Variants in CDYL observed in about 807,000 individuals in gnomAD.
CDYL encodes the protein chromodomain Y like.
A neutral mutation model predicts 47.3 loss-of-function variants in CDYL; 8 were observed. That is an observed-to-expected ratio of 0.17 (90% CI 0.10 to 0.31). CDYL has a LOEUF of 0.31. Ranked by LOEUF, CDYL falls within the 10% of genes least tolerant of loss-of-function variation. The pLI, the probability that CDYL is intolerant of heterozygous loss-of-function variation, is 1.00. For synonymous variants in CDYL, 266 were observed against 265.0 expected (o/e 1.00, Z -0.04); for missense variants, 471 against 701.4 (o/e 0.67, Z 3.71).
At chr6:4,757,360 T>G (rs1375015039) in intron 3 of CDYL, among the ~76,000 whole-genome samples, 2 of 152,232 alleles carry the variant, frequency 1.3e-5, no homozygotes, top group Non-Finnish European at 2.9e-5. Flanking sequence ...TGATACATGG[T>G]AGAGGACAGT....
chr6:4,857,985 T>G (rs571304262), intron 1 of CDYL, among the ~76,000 whole-genome samples: 1 of 151,854 alleles, frequency 6.6e-6, no homozygotes, highest in African/African-American at 2.4e-5. Context: ...AGCCTAAAGG[T>G]TTTTCTACCC....
chr6:4,790,495 T>A (rs1489174962), intron 1 of CDYL, among the ~76,000 whole-genome samples: 5 of 152,206 alleles, frequency 3.3e-5, no homozygotes, highest in African/African-American at 7.2e-5. Flanking sequence ...TCTGAAGCGC[T>A]TTTGGAAAGT....
chr6:4,801,732 T>C (rs562743789), intron 1 of CDYL, among the ~76,000 whole-genome samples: 1 of 152,216 alleles, frequency 6.6e-6, no homozygotes, highest in Non-Finnish European at 1.5e-5. Flanking sequence ...TCCCCTAGTT[T>C]CTAGCACTCC....
intron 3 of CDYL, among the ~76,000 whole-genome samples, chr6:4,744,091 G>A (rs1757843828): frequency 6.6e-6 from 1 of 152,170 alleles, no homozygotes; most frequent in Non-Finnish European, 1.5e-5. Flanking sequence ...TGAAGGAGGG[G>A]TGGGGAGCTG....
At chr6:4,841,987 A>C (rs1206353591) in intron 1 of CDYL, among the ~76,000 whole-genome samples, 2 of 145,640 alleles carry the variant, frequency 1.4e-5, no homozygotes, top group African/African-American at 5.0e-5. Context: ...TTAATAATAA[A>C]TTATTAATAT....
intron 2 of CDYL, among the ~76,000 whole-genome samples, chr6:4,932,768 T>C (rs1758068220): frequency 1.3e-5 from 2 of 152,166 alleles, no homozygotes; most frequent in African/African-American, 4.8e-5. Context: ...CAGCATTGTT[T>C]CTGGTGTGGT....
intron 3 of CDYL, among the ~76,000 whole-genome samples, chr6:4,936,815 G>A (rs1406599891): frequency 4.0e-5 from 6 of 151,270 alleles, no homozygotes; most frequent in Non-Finnish European, 8.8e-5. Context: ...TAAGCAACTT[G>A]CCTTATCTAA....
intron 2 of CDYL, among the ~76,000 whole-genome samples, chr6:4,894,333 GT>G (rs1762134663): frequency 6.6e-6 from 1 of 152,210 alleles, no homozygotes; most frequent in Admixed American, 6.5e-5. Context: ...GCCAGGCACG[GT>G]GCTGGACTGT....
intron 2 of CDYL, among the ~76,000 whole-genome samples, chr6:4,731,960 T>C (rs565840226): frequency 4.0e-4 from 61 of 152,354 alleles, no homozygotes; most frequent in African/African-American, 1.4e-3. Flanking sequence ...CATTTTATTT[T>C]ATAATATATT....
chr6:4,894,925 A>ATGTATG (rs1762165381), intron 2 of CDYL, among the ~76,000 whole-genome samples: 2 of 25,910 alleles, frequency 7.7e-5, no homozygotes, highest in South Asian at 2.0e-3. Flanking sequence ...ATATACACAT[A>ATGTATG]TGTATGTGTG....
chr6:4,744,419 C>G (rs1757851899), intron 3 of CDYL, among the ~76,000 whole-genome samples: 1 of 152,002 alleles, frequency 6.6e-6, no homozygotes, highest in African/African-American at 2.4e-5. Context: ...TGCTTGAGCC[C>G]AGGAGTTCAA....
intron 1 of CDYL, among the ~76,000 whole-genome samples, chr6:4,713,624 G>A (rs938154666): frequency 5.5e-5 from 8 of 145,422 alleles, no homozygotes; most frequent in East Asian, 2.0e-4. Context: ...ATCTTGCTGC[G>A]TTGCCCAGGC....
intron 1 of CDYL, among the ~76,000 whole-genome samples, chr6:4,777,441 A>G (rs1758500284): frequency 6.6e-6 from 1 of 152,164 alleles, no homozygotes; most frequent in Admixed American, 6.5e-5. Flanking sequence ...CCAGAACTGT[A>G]AGTTCTGGTC....
At chr6:4,721,378 G>A (rs147295355) in intron 2 of CDYL, among the ~76,000 whole-genome samples, 1 of 151,886 alleles carries the variant, frequency 6.6e-6, no homozygotes, top group South Asian at 2.1e-4. Context: ...GGGGAGGGGT[G>A]TTGTTTTTCT....
chr6:4,946,813 G>A (rs921505240), intron 5 of CDYL, among the ~76,000 whole-genome samples: 6 of 152,110 alleles, frequency 3.9e-5, no homozygotes, highest in Middle Eastern at 3.2e-3. Flanking sequence ...TGGCCCCACC[G>A]GCTGTGCTGC....
chr6:4,849,192 G>A (rs774670725), intron 1 of CDYL, among the ~76,000 whole-genome samples: 4 of 152,082 alleles, frequency 2.6e-5, no homozygotes, highest in Non-Finnish European at 4.4e-5. Context: ...CTAAAGGCAG[G>A]AATGAGTGTT....
chr6:4,879,759 C>T (rs760586738), intron 1 of CDYL, among the ~76,000 whole-genome samples: 18 of 151,998 alleles, frequency 1.2e-4, no homozygotes, highest in Non-Finnish European at 2.2e-4. Context: ...GGGGTTTCAC[C>T]ATGTTGGCCA....
At chr6:4,915,645 A>C (rs774343900) in intron 2 of CDYL, among the ~76,000 whole-genome samples, 17 of 152,238 alleles carry the variant, frequency 1.1e-4, no homozygotes, top group Non-Finnish European at 2.4e-4. Context: ...AGAGCATCAC[A>C]TGACAGATAA....
At chr6:4,890,603 G>A (rs1241711217) in intron 1 of CDYL, among the ~76,000 whole-genome samples, 1 of 152,144 alleles carries the variant, frequency 6.6e-6, no homozygotes, top group African/African-American at 2.4e-5. Flanking sequence ...ATGGGGATGG[G>A]GTATTCTCCC....
Sources: allele counts gnomAD v4.1 joint callset (sites outside exome capture counted in the v4.1 genomes callset), GRCh38; gene constraint gnomAD v4.1.1; transcripts MANE v1.5; gene names NCBI Gene and HGNC (gene_info 2026-07-23, HGNC 2026-07-21).